The following SGCZ variants were observed in gnomAD, a reference collection of about 807,000 sequenced individuals.
SGCZ encodes zeta-sarcoglycan.
Under a neutral mutation model 41.3 loss-of-function variants are expected in SGCZ, and 40 were observed. That is an observed-to-expected ratio of 0.97 (90% CI 0.75 to 1.26). SGCZ has a LOEUF of 1.26. SGCZ is among the 50% of genes most tolerant of loss of function. SGCZ has a pLI of 0.00. For missense variants in SGCZ, 552 were observed against 369.8 expected (o/e 1.49, Z -4.04); for synonymous variants, 206 against 137.5 (o/e 1.50, Z -3.49).
chr8:15,012,644 CTATA>C (rs906545355), intron 1 of SGCZ, among the ~76,000 whole-genome samples: 6 of 39,448 alleles, frequency 1.5e-4, no homozygotes, highest in African/African-American at 7.1e-4. Flanking sequence ...ACATATAAAA[CTATA>C]TATAATATAT....
intron 1 of SGCZ, among the ~76,000 whole-genome samples, chr8:14,620,573 G>T (rs1233284975): frequency 1.5e-5 from 2 of 131,690 alleles, no homozygotes; most frequent in South Asian, 2.5e-4. Context: ...AATCTACGAA[G>T]AACTCAAAAA....
chr8:15,058,728 G>A (rs551395717), intron 1 of SGCZ, among the ~76,000 whole-genome samples: 1 of 152,218 alleles, frequency 6.6e-6, no homozygotes, highest in East Asian at 1.9e-4. Context: ...TGTTCGCTTA[G>A]GATCCTTGGA....
At chr8:15,068,943 T>C (rs547104909) in intron 1 of SGCZ, among the ~76,000 whole-genome samples, 42 of 152,324 alleles carry the variant, frequency 2.8e-4, no homozygotes, top group African/African-American at 9.9e-4. Flanking sequence ...CTTCCATTTT[T>C]CTGTTTTACA....
intron 4 of SGCZ, among the ~76,000 whole-genome samples, chr8:14,215,684 T>C (rs1805969806): frequency 6.6e-6 from 1 of 152,136 alleles, no homozygotes; most frequent in African/African-American, 2.4e-5. Context: ...GTTTAATCTT[T>C]AGAATAATAA....
intron 3 of SGCZ, among the ~76,000 whole-genome samples, chr8:14,301,378 A>AC (rs928180558): frequency 5.3e-5 from 8 of 152,088 alleles, no homozygotes; most frequent in Non-Finnish European, 7.4e-5. Flanking sequence ...ATCACAAAAA[A>AC]AAACAAACAA....
intron 1 of SGCZ, among the ~76,000 whole-genome samples, chr8:14,880,459 A>C (rs1271153980): frequency 6.6e-6 from 1 of 152,146 alleles, no homozygotes; most frequent in African/African-American, 2.4e-5. Flanking sequence ...CTGGGTATAT[A>C]CCCAAAGGAG....
intron 2 of SGCZ, among the ~76,000 whole-genome samples, chr8:14,426,918 AATTGTT>A (rs2117323123): frequency 6.6e-6 from 1 of 152,270 alleles, no homozygotes; most frequent in East Asian, 1.9e-4. Context: ...CTCATTTCAA[AATTGTT>A]ATTATTTATT....
At chr8:14,443,443 G>A (rs529812646) in intron 2 of SGCZ, among the ~76,000 whole-genome samples, 1 of 152,024 alleles carries the variant, frequency 6.6e-6, no homozygotes, top group African/African-American at 2.4e-5. Flanking sequence ...AAACAGCATG[G>A]TACTGGTACC....
At chr8:15,096,638 C>T (rs1190605190) in intron 1 of SGCZ, among the ~76,000 whole-genome samples, 1 of 152,082 alleles carries the variant, frequency 6.6e-6, no homozygotes, top group Non-Finnish European at 1.5e-5. Context: ...AAATATTTTA[C>T]AAATTGTAAA....
rs147802839 is a variant in SGCZ, at chr8:14,266,784, A to G, written c.337-29105T>C. Among the ~76,000 whole-genome samples the G allele has an allele frequency of 7.6e-4, 115 of 152,214 alleles. 7 individuals are homozygous for G. The East Asian group carries it at 0.021, about 28-fold the overall frequency. On this transcript the variant is annotated intron_variant, in intron 3 of 7. Transcript: ENST00000382080. ...CCACAATGCCTAAGTAGATGAGGTA[A>G]AAACGAAGTAAATTATGATGAAACT...
At chr8:15,221,768 G>C (rs1260273670) in intron 1 of SGCZ, among the ~76,000 whole-genome samples, 1 of 152,052 alleles carries the variant, frequency 6.6e-6, no homozygotes, top group Non-Finnish European at 1.5e-5. Flanking sequence ...ACTCATCTTT[G>C]CACAAGTAAC....
At chr8:14,461,544 G>C (rs1800901775) in intron 2 of SGCZ, among the ~76,000 whole-genome samples, 1 of 152,044 alleles carries the variant, frequency 6.6e-6, no homozygotes, top group South Asian at 2.1e-4. Flanking sequence ...TGATTGATTT[G>C]ACCATTAGCT....
intron 1 of SGCZ, among the ~76,000 whole-genome samples, chr8:15,111,571 G>A (rs75966265): frequency 0.15 from 22,236 of 152,066 alleles, 2,087 homozygotes; most frequent in Non-Finnish European, 0.22. Context: ...ACTCAGGGCC[G>A]CTCCCACCCT....
At chr8:15,042,781 G>T (rs1350584338) in intron 1 of SGCZ, among the ~76,000 whole-genome samples, 5 of 152,126 alleles carry the variant, frequency 3.3e-5, no homozygotes, top group East Asian at 3.9e-4. Context: ...TAGTATTACA[G>T]CACTTCCTCT....
intron 2 of SGCZ, among the ~76,000 whole-genome samples, chr8:14,369,021 A>ATGTGTGTG (rs10655274): frequency 0.083 from 12,140 of 145,432 alleles, 552 homozygotes; most frequent in Admixed American, 0.13. Flanking sequence ...GCAAATGTAA[A>ATGTGTGTG]TGTGTGTGTG....
intron 5 of SGCZ, among the ~76,000 whole-genome samples, chr8:14,141,384 T>C (rs1324452182): frequency 2.0e-5 from 3 of 152,150 alleles, no homozygotes; most frequent in Non-Finnish European, 2.9e-5. Context: ...AAAGGCAACC[T>C]ACAGAATGGA....
intron 1 of SGCZ, among the ~76,000 whole-genome samples, chr8:14,621,146 G>A (rs959136957): frequency 3.3e-5 from 5 of 151,976 alleles, no homozygotes; most frequent in African/African-American, 1.2e-4. Context: ...TAGGGACATG[G>A]ATGAAGCTGG....
At chr8:14,709,259 C>A (rs959573734) in intron 1 of SGCZ, among the ~76,000 whole-genome samples, 3 of 152,136 alleles carry the variant, frequency 2.0e-5, no homozygotes, top group African/African-American at 7.2e-5. Flanking sequence ...TCTCAGATAA[C>A]AAATTTGATC....
intron 1 of SGCZ, among the ~76,000 whole-genome samples, chr8:14,756,920 G>A (rs948686620): frequency 6.6e-6 from 1 of 152,152 alleles, no homozygotes; most frequent in African/African-American, 2.4e-5. Context: ...AACAAATGGT[G>A]CTATTATAAT....
Sources: allele counts gnomAD v4.1 joint callset (sites outside exome capture counted in the v4.1 genomes callset), GRCh38; gene constraint gnomAD v4.1.1; transcripts MANE v1.5; gene names NCBI Gene and HGNC (gene_info 2026-07-23, HGNC 2026-07-21).